MTUS2: variants seen among roughly 807,000 people sequenced by gnomAD.
MTUS2 encodes microtubule associated scaffold protein 2.
A neutral mutation model predicts 114.1 loss-of-function variants in MTUS2; 40 were observed. That is an observed-to-expected ratio of 0.35 (90% CI 0.27 to 0.46). The LOEUF (loss-of-function observed/expected upper bound fraction) is 0.46. MTUS2 is among the 20% of genes least tolerant of loss of function. The probability of loss-of-function intolerance (pLI) is 1.00; values close to 1 mark genes in which losing one functional copy is unlikely to be tolerated. For missense variants in MTUS2, 1,679 were observed against 1,705.4 expected (o/e 0.98, Z 0.27); for synonymous variants, 688 against 672.0 (o/e 1.02, Z -0.37).
At chr13:28,877,025 G>A (rs1322413890) in intron 2 of MTUS2, among the ~76,000 whole-genome samples, 1 of 151,540 alleles carries the variant, frequency 6.6e-6, no homozygotes, top group Non-Finnish European at 1.5e-5. Context: ...GGGTATGGTG[G>A]CTCACTCCTG....
chr13:29,048,570 A>C (rs1306134930), intron 4 of MTUS2, among the ~76,000 whole-genome samples: 1 of 152,166 alleles, frequency 6.6e-6, no homozygotes, highest in Non-Finnish European at 1.5e-5. Flanking sequence ...CCTGGCTCAA[A>C]CGATCCTCCC....
intron 4 of MTUS2, among the ~76,000 whole-genome samples, chr13:29,057,159 A>C (rs1381722930): frequency 6.6e-6 from 1 of 151,944 alleles, no homozygotes; most frequent in Non-Finnish European, 1.5e-5. Context: ...GCGGCCTAAG[A>C]GTGTGTTTGT....
intron 1 of MTUS2, among the ~76,000 whole-genome samples, chr13:28,837,349 T>A (rs950604952): frequency 4.6e-5 from 7 of 152,234 alleles, no homozygotes; most frequent in African/African-American, 1.7e-4. Flanking sequence ...TTATCTAGGA[T>A]TCTGGGCCAT....
chr13:28,945,194 T>TATATATATATATATATATACACACAC (rs1555276495), intron 2 of MTUS2, among the ~76,000 whole-genome samples: 38 of 151,000 alleles, frequency 2.5e-4, no homozygotes, highest in African/African-American at 8.9e-4. Flanking sequence ...TATATATATA[T>TATATATATATATATATATACACACAC]ACACCACATT....
chr13:29,336,672 T>C (rs1901080288), intron 7 of MTUS2, among the ~76,000 whole-genome samples: 1 of 152,252 alleles, frequency 6.6e-6, no homozygotes. Flanking sequence ...AGCGCTGTGC[T>C]GGGAAATCCA....
chr13:29,326,986 GAAATA>G (rs887459119), intron 7 of MTUS2, among the ~76,000 whole-genome samples: 1 of 151,876 alleles, frequency 6.6e-6, no homozygotes, highest in African/African-American at 2.4e-5. Flanking sequence ...TCTCAAAAAA[GAAATA>G]AAATAAAATA....
At chr13:28,937,308 A>G (rs1881955755) in intron 2 of MTUS2, among the ~76,000 whole-genome samples, 2 of 152,162 alleles carry the variant, frequency 1.3e-5, no homozygotes, top group East Asian at 1.9e-4. Context: ...ACTCTGTAAA[A>G]TGGACCAACT....
At chr13:29,482,195 C>G (rs1881238043) in intron 10 of MTUS2, 1 of 152,236 alleles carries the variant, frequency 6.6e-6, no homozygotes, top group Non-Finnish European at 1.5e-5. Context: ...GGTCCGCAGG[C>G]AGGAGACCCT....
intron 4 of MTUS2, among the ~76,000 whole-genome samples, chr13:29,073,539 G>A (rs1162563933): frequency 6.6e-6 from 1 of 152,086 alleles, no homozygotes; most frequent in African/African-American, 2.4e-5. Context: ...GCGGGTGTGT[G>A]TGTGTGTTTG....
chr13:29,368,520 A>G (rs1432557117), intron 8 of MTUS2, among the ~76,000 whole-genome samples: 1 of 152,218 alleles, frequency 6.6e-6, no homozygotes, highest in Admixed American at 6.5e-5. Context: ...GAAATGATAA[A>G]TGTTTGAGGT....
chr13:28,912,570 G>A (rs1405820167), intron 2 of MTUS2, among the ~76,000 whole-genome samples: 1 of 151,906 alleles, frequency 6.6e-6, no homozygotes, highest in Non-Finnish European at 1.5e-5. Flanking sequence ...GTAGTTTAAT[G>A]GGAATCACAT....
intron 5 of MTUS2, among the ~76,000 whole-genome samples, chr13:29,258,907 G>A (rs935640027): frequency 6.6e-6 from 1 of 152,120 alleles, no homozygotes; most frequent in African/African-American, 2.4e-5. Context: ...CTTAGTCAAG[G>A]AGCTTTCTCA....
chr13:28,893,248 CTATT>C (rs1229911995), intron 2 of MTUS2, among the ~76,000 whole-genome samples: 5 of 152,214 alleles, frequency 3.3e-5, no homozygotes, highest in Admixed American at 2.0e-4. Context: ...GCTTGAAAAG[CTATT>C]TATTAAGCCA....
At chr13:29,110,599 T>C (rs993502276) in intron 5 of MTUS2, among the ~76,000 whole-genome samples, 1 of 152,230 alleles carries the variant, frequency 6.6e-6, no homozygotes, top group African/African-American at 2.4e-5. Context: ...TTCCCAATTA[T>C]TCCCACACAT....
At chr13:28,980,812 C>T (rs1258322835) in intron 2 of MTUS2, among the ~76,000 whole-genome samples, 1 of 152,176 alleles carries the variant, frequency 6.6e-6, no homozygotes, top group East Asian at 1.9e-4. Context: ...TTTGCTTTCT[C>T]ACCAGGAATG....
chr13:29,157,564 T>C (rs1020018002), intron 5 of MTUS2, among the ~76,000 whole-genome samples: 1 of 152,166 alleles, frequency 6.6e-6, no homozygotes, highest in Non-Finnish European at 1.5e-5. Context: ...CCTTGAGCTC[T>C]GAGGATGAGT....
intron 2 of MTUS2, among the ~76,000 whole-genome samples, chr13:28,937,440 G>T (rs1158736494): frequency 6.6e-6 from 1 of 152,096 alleles, no homozygotes; most frequent in Admixed American, 6.5e-5. Flanking sequence ...ACCCGCTGAG[G>T]TCCCCTTCCA....
intron 5 of MTUS2, among the ~76,000 whole-genome samples, chr13:29,160,481 A>G (rs1174903096): frequency 6.6e-6 from 1 of 152,190 alleles, no homozygotes; most frequent in Non-Finnish European, 1.5e-5. Flanking sequence ...GTCAAAAATT[A>G]TATCTGGGGC....
chr13:28,859,020 G>C (rs532361475), intron 2 of MTUS2, among the ~76,000 whole-genome samples: 1 of 152,322 alleles, frequency 6.6e-6, no homozygotes, highest in East Asian at 1.9e-4. Context: ...AGAATAATTT[G>C]GTAGCAGGAG....
Sources: allele counts gnomAD v4.1 joint callset (sites outside exome capture counted in the v4.1 genomes callset), GRCh38; gene constraint gnomAD v4.1.1; transcripts MANE v1.5; gene names NCBI Gene and HGNC (gene_info 2026-07-23, HGNC 2026-07-21).